The following LINGO2 variants were observed in gnomAD, a reference collection of about 807,000 sequenced individuals.
LINGO2 encodes leucine rich repeat and Ig domain containing 2.
LINGO2 carries 14 observed loss-of-function variants against 30.6 expected under a neutral mutation model. The observed-to-expected ratio is 0.46, with a 90% CI of 0.30 to 0.72. The LOEUF (loss-of-function observed/expected upper bound fraction) is 0.72, where lower values mean the gene tolerates loss of function less well. Among genes scored for constraint, LINGO2 ranks in the 30% least tolerant of loss-of-function variants. LINGO2 has a pLI of 0.07. For missense variants in LINGO2, 729 were observed against 751.7 expected, an observed-to-expected ratio of 0.97 and a Z score of 0.35; for synonymous variants, 317 against 288.5, an observed-to-expected ratio of 1.10 and a Z score of -1.00.
the LINGO2 span, among the ~76,000 whole-genome samples, chr9:28,676,530 C>G: frequency 6.6e-6 from 1 of 152,050 alleles, no homozygotes; most frequent in Non-Finnish European, 1.5e-5. Flanking sequence ...ATGCATACAG[C>G]CTGTTCTTCA....
chr9:28,569,604 A>G (rs893165057), intron 1 of LINGO2, among the ~76,000 whole-genome samples: 2 of 134,776 alleles, frequency 1.5e-5, no homozygotes, highest in African/African-American at 5.4e-5. Flanking sequence ...ACAGAGTATA[A>G]TGATGGTTAC....
intron 1 of LINGO2, among the ~76,000 whole-genome samples, chr9:28,620,314 G>A (rs1438469): frequency 0.14 from 21,940 of 152,016 alleles, 1,751 homozygotes; most frequent in East Asian, 0.22. Context: ...CAGAGTTAAA[G>A]TAAGAGTTTG....
At chr9:29,184,247 T>C in the LINGO2 span, among the ~76,000 whole-genome samples, 3 of 152,046 alleles carry the variant, frequency 2.0e-5, no homozygotes, top group Non-Finnish European at 4.4e-5. Flanking sequence ...TAGCCAGCTG[T>C]GTTTGCAATT....
At chr9:28,205,363 C>T (rs1820374095) in intron 4 of LINGO2, among the ~76,000 whole-genome samples, 1 of 152,194 alleles carries the variant, frequency 6.6e-6, no homozygotes, top group Admixed American at 6.5e-5. Context: ...TTCCCATCCT[C>T]AGATCTTAAC....
chr9:28,510,523 T>A (rs1820330374), intron 1 of LINGO2, among the ~76,000 whole-genome samples: 1 of 151,638 alleles, frequency 6.6e-6, no homozygotes, highest in African/African-American at 2.4e-5. Flanking sequence ...AGAGGAGGGG[T>A]TGATCTTGCT....
chr9:27,946,742 G>T (rs1823378537), downstream of LINGO2, among the ~76,000 whole-genome samples: 1 of 151,990 alleles, frequency 6.6e-6, no homozygotes, highest in Admixed American at 6.6e-5. Flanking sequence ...TAAGGTATTT[G>T]GCACAAATGG....
At chr9:28,594,705 C>T (rs919340882) in intron 1 of LINGO2, among the ~76,000 whole-genome samples, 1 of 152,022 alleles carries the variant, frequency 6.6e-6, no homozygotes, top group East Asian at 1.9e-4. Context: ...GAAGAGAGAT[C>T]GCAATATGAA....
intron 4 of LINGO2, among the ~76,000 whole-genome samples, chr9:28,105,530 A>G (rs1255452633): frequency 6.6e-6 from 1 of 152,186 alleles, no homozygotes; most frequent in Non-Finnish European, 1.5e-5. Context: ...GATTAAATGT[A>G]GGAAAAAAAT....
chr9:29,114,979 T>G, the LINGO2 span, among the ~76,000 whole-genome samples: 1 of 152,192 alleles, frequency 6.6e-6, no homozygotes, highest in Admixed American at 6.5e-5. Context: ...TGTTTTTACC[T>G]TTTAATTTTA....
chr9:28,346,589 T>C (rs1353984729), intron 3 of LINGO2, among the ~76,000 whole-genome samples: 1 of 152,196 alleles, frequency 6.6e-6, no homozygotes, highest in Admixed American at 6.5e-5. Flanking sequence ...GTAGGTCTCT[T>C]TTGAGCTGTT....
the LINGO2 span, among the ~76,000 whole-genome samples, chr9:28,992,254 C>G: frequency 6.6e-6 from 1 of 151,644 alleles, no homozygotes; most frequent in African/African-American, 2.4e-5. Context: ...CAACAAAGAT[C>G]AAAAGAGACA....
intron 1 of LINGO2, among the ~76,000 whole-genome samples, chr9:28,569,558 T>C (rs1823568451): frequency 6.7e-6 from 1 of 148,534 alleles, no homozygotes; most frequent in Non-Finnish European, 1.5e-5. Context: ...TGTATATCAC[T>C]TATGCATGAA....
At chr9:28,658,495 T>C (rs1487605995) in intron 1 of LINGO2, among the ~76,000 whole-genome samples, 1 of 152,120 alleles carries the variant, frequency 6.6e-6, no homozygotes, top group Non-Finnish European at 1.5e-5. Context: ...TATAATGTCC[T>C]TCTTTTAACC....
chr9:28,503,945 G>A (rs1254405000), intron 1 of LINGO2, among the ~76,000 whole-genome samples: 2 of 151,910 alleles, frequency 1.3e-5, no homozygotes, highest in African/African-American at 4.8e-5. Context: ...ACATGATTGA[G>A]TATGAAGACA....
chr9:28,576,433 G>A (rs915844172), intron 1 of LINGO2, among the ~76,000 whole-genome samples: 1 of 152,038 alleles, frequency 6.6e-6, no homozygotes, highest in African/African-American at 2.4e-5. Flanking sequence ...TTCTTCAAGC[G>A]CATAACATAA....
At chr9:28,991,405 T>G in the LINGO2 span, among the ~76,000 whole-genome samples, 1 of 151,352 alleles carries the variant, frequency 6.6e-6, no homozygotes, top group East Asian at 1.9e-4. Flanking sequence ...TACCTGAAAC[T>G]GATGGGGAGA....
chr9:28,045,885 A>T (rs1587759952), intron 4 of LINGO2, among the ~76,000 whole-genome samples: 1 of 152,278 alleles, frequency 6.6e-6, no homozygotes, highest in Non-Finnish European at 1.5e-5. Context: ...CATCTACTAC[A>T]ACCCACCTCC....
At chr9:28,151,440 A>G (rs1254690012) in intron 4 of LINGO2, among the ~76,000 whole-genome samples, 1 of 152,036 alleles carries the variant, frequency 6.6e-6, no homozygotes, top group East Asian at 1.9e-4. Flanking sequence ...ACACATATCA[A>G]AAGATCAATA....
At chr9:28,495,936 C>A (rs1392843669) in intron 1 of LINGO2, among the ~76,000 whole-genome samples, 1 of 152,132 alleles carries the variant, frequency 6.6e-6, no homozygotes, top group Non-Finnish European at 1.5e-5. Context: ...CATTCAGGAG[C>A]AGGTTGTTCA....
Sources: allele counts gnomAD v4.1 joint callset (sites outside exome capture counted in the v4.1 genomes callset), GRCh38; gene constraint gnomAD v4.1.1; transcripts MANE v1.5; gene names NCBI Gene and HGNC (gene_info 2026-07-23, HGNC 2026-07-21).